The following ABTB2 variants were observed in gnomAD, a reference collection of about 807,000 sequenced individuals.
ABTB2 encodes the protein ankyrin repeat and BTB/POZ domain-containing protein 2.
ABTB2 carries 56 observed loss-of-function variants against 104.1 expected under a neutral mutation model. The observed-to-expected ratio is 0.54, with a 90% CI of 0.43 to 0.67. The LOEUF is 0.67. Ranked by LOEUF, ABTB2 falls within the 30% of genes least tolerant of loss-of-function variation. The pLI is 0.00. For missense variants in ABTB2, 1,279 were observed against 1,407.7 expected (o/e 0.91, Z 1.46); for synonymous variants, 606 against 608.2 (o/e 1.00, Z 0.05).
At chr11:34,281,131 G>A (rs1294498151) in intron 1 of ABTB2, among the ~76,000 whole-genome samples, 2 of 152,118 alleles carry the variant, frequency 1.3e-5, no homozygotes, top group Non-Finnish European at 2.9e-5. Context: ...GTCTCAGCAA[G>A]CAGAACACCC....
chr11:34,350,608 G>A (rs1412661443), intron 1 of ABTB2, among the ~76,000 whole-genome samples: 1 of 152,202 alleles, frequency 6.6e-6, no homozygotes, highest in Non-Finnish European at 1.5e-5. Flanking sequence ...ACCTTTGGAG[G>A]AAGATACACC....
intron 3 of ABTB2, among the ~76,000 whole-genome samples, chr11:34,183,898 TAAAAAC>T (rs998982058): frequency 6.6e-6 from 1 of 151,950 alleles, no homozygotes; most frequent in Admixed American, 6.6e-5. Context: ...GTTTTTGTTT[TAAAAAC>T]AAAAACAAAA....
chr11:34,190,809 C>A lies in ABTB2; in HGVS notation c.1244+6516G>T, dbSNP rs565590104. 2.0e-5 allele frequency among the ~76,000 whole-genome samples: 3 copies of A among 152,306 alleles called. No individual in the cohort carries two copies. The East Asian group carries it at 5.8e-4, about 29-fold the overall frequency. On this transcript the variant is annotated intron_variant, in intron 3 of 16. Coordinates refer to ENST00000435224, the MANE Select transcript of ABTB2 (RefSeq NM_145804.3). ...TCACATTTTAGGAAATGTCATGCTA[C>A]CTCAATAAAGAGAGCCTGCTCTGAG...
At chr11:34,241,873 T>C (rs1433653130) in intron 1 of ABTB2, among the ~76,000 whole-genome samples, 1 of 152,230 alleles carries the variant, frequency 6.6e-6, no homozygotes, top group African/African-American at 2.4e-5. Flanking sequence ...AATCTAAGGC[T>C]GAGTTTAAGT....
At position 34,194,704 on chromosome 11, in the gene ABTB2, G is replaced by A. The variant is rs188582139; in HGVS notation, c.1244+2621C>T. On this transcript the variant is annotated intron_variant, in intron 3 of 16. Coordinates refer to ENST00000435224, the MANE Select transcript of ABTB2 (RefSeq NM_145804.3). ...GCGACAGGAGCCAGGCCACCAGGGC[G>A]CCGTCGGGCTGTTGGCTCCCTCAGG... 2.5e-3 allele frequency among the ~76,000 whole-genome samples: 384 copies of A among 152,242 alleles called. 3 individuals are homozygous for A. The highest frequency in any genetic ancestry group is 8.9e-3 in the African/African-American group (369 of 41,544).
intron 1 of ABTB2, among the ~76,000 whole-genome samples, chr11:34,237,423 G>T (rs953491374): frequency 6.6e-6 from 1 of 151,910 alleles, no homozygotes; most frequent in Non-Finnish European, 1.5e-5. Context: ...GATTTCAGGC[G>T]TGAGCCACTG....
rs74535428 is a variant in ABTB2 at position 34,312,297 on chromosome 11, C to T, written c.883+44404G>A. 2.5e-3 allele frequency among the ~76,000 whole-genome samples: 381 copies of T among 152,308 alleles called. 1 individual carries two copies. Among genetic ancestry groups the T allele is most frequent in the African/African-American group, 9.0e-3 (375 of 41,564 alleles). ...AACACTGGAATCCCAGGAAAACACACCTTGTTCATTCATTTCAGAGGGTCT... is the reference window on the plus strand; with the variant it reads ...AACACTGGAATCCCAGGAAAACACATCTTGTTCATTCATTTCAGAGGGTCT... On this transcript the variant is annotated intron_variant, in intron 1 of 16. Coordinates refer to ENST00000435224, the MANE Select transcript of ABTB2 (RefSeq NM_145804.3).
intron 3 of ABTB2, among the ~76,000 whole-genome samples, chr11:34,175,326 T>C (rs73507403): frequency 0.2 from 29,924 of 152,246 alleles, 3,798 homozygotes; most frequent in East Asian, 0.4. Flanking sequence ...CGAAAACGCA[T>C]TGAATACACC....
intron 1 of ABTB2, among the ~76,000 whole-genome samples, chr11:34,205,369 C>G (rs145480520): frequency 6.6e-6 from 1 of 152,310 alleles, no homozygotes; most frequent in Non-Finnish European, 1.5e-5. Flanking sequence ...GCAGAACTGT[C>G]AGAATCAATC....
intron 1 of ABTB2, among the ~76,000 whole-genome samples, chr11:34,269,003 G>C (rs1444061011): frequency 6.6e-6 from 1 of 152,158 alleles, no homozygotes; most frequent in East Asian, 1.9e-4. Flanking sequence ...ATATCTTCTG[G>C]GGGACATGAT....
chr11:34,198,798 T>C (rs1329746972), intron 2 of ABTB2, among the ~76,000 whole-genome samples: 1 of 152,220 alleles, frequency 6.6e-6, no homozygotes, highest in African/African-American at 2.4e-5. Context: ...AAGGATGGGC[T>C]GAAGGAGCCC....
chr11:34,298,003 G>A (rs1854645712), intron 1 of ABTB2, among the ~76,000 whole-genome samples: 1 of 151,670 alleles, frequency 6.6e-6, no homozygotes. Flanking sequence ...TCTGGAGGGT[G>A]CAGACCTCAC....
intron 1 of ABTB2, among the ~76,000 whole-genome samples, chr11:34,220,949 C>T (rs1468663103): frequency 6.6e-6 from 1 of 151,842 alleles, no homozygotes; most frequent in Non-Finnish European, 1.5e-5. Flanking sequence ...CATGATCTTT[C>T]TCTGTGCCTG....
At chr11:34,306,982 TAAAAAAA>T (rs61161318) in intron 1 of ABTB2, among the ~76,000 whole-genome samples, 53 of 94,534 alleles carry the variant, frequency 5.6e-4, no homozygotes, top group Admixed American at 8.6e-4. Flanking sequence ...TCAGGAAACT[TAAAAAAA>T]AAAAAAAAAA....
At chr11:34,196,791 G>A (rs1853261821) in intron 3 of ABTB2, among the ~76,000 whole-genome samples, 1 of 152,224 alleles carries the variant, frequency 6.6e-6, no homozygotes, top group South Asian at 2.1e-4. Context: ...AGAGCTGCCA[G>A]GGCCAGGATA....
intron 1 of ABTB2, among the ~76,000 whole-genome samples, chr11:34,218,042 T>C (rs1290201958): frequency 6.6e-6 from 1 of 152,244 alleles, no homozygotes; most frequent in Non-Finnish European, 1.5e-5. Flanking sequence ...TGACAGATGA[T>C]GTTGAACATT....
intron 1 of ABTB2, among the ~76,000 whole-genome samples, chr11:34,305,014 T>C (rs1324416603): frequency 3.9e-5 from 6 of 152,202 alleles, no homozygotes; most frequent in African/African-American, 1.4e-4. Context: ...TGTGCTGACA[T>C]CCAAGCCTAA....
intron 1 of ABTB2, among the ~76,000 whole-genome samples, chr11:34,339,615 T>G (rs1855238393): frequency 6.6e-6 from 1 of 151,962 alleles, no homozygotes; most frequent in Non-Finnish European, 1.5e-5. Flanking sequence ...TGTTTTCTCT[T>G]TGAGATTGGT....
At chr11:34,214,175 C>CACACACACACACACACACACAT (rs1170701496) in intron 1 of ABTB2, among the ~76,000 whole-genome samples, 1 of 149,174 alleles carries the variant, frequency 6.7e-6, no homozygotes, top group African/African-American at 2.5e-5. Flanking sequence ...CACACACACA[C>CACACACACACACACACACACAT]AAAGTAAATG....
Sources: gnomAD v4.1 joint callset for allele counts (sites outside exome capture counted in the v4.1 genomes callset) on GRCh38, gnomAD v4.1.1 for gene constraint, MANE v1.5 for transcripts, NCBI Gene and HGNC (gene_info 2026-07-23, HGNC 2026-07-21) for gene names.